The following RIMS2 variants were observed in gnomAD, a reference collection of about 807,000 sequenced individuals.
RIMS2 encodes regulating synaptic membrane exocytosis 2.
In RIMS2, 59 loss-of-function variants were observed where a neutral mutation model predicts 174.4. That is an observed-to-expected ratio of 0.34 (90% confidence interval 0.27 to 0.42). The LOEUF is 0.42. Ranked by LOEUF, RIMS2 falls within the 10% of genes least tolerant of loss-of-function variation. The pLI is 1.00. For synonymous variants in RIMS2, 606 were observed against 572.5 expected (o/e 1.06, Z -0.84); for missense variants, 1,620 against 1,666.3 (o/e 0.97, Z 0.48).
At chr8:103,864,348 C>T (rs2099074686) in intron 3 of RIMS2, among the ~76,000 whole-genome samples, 1 of 152,090 alleles carries the variant, frequency 6.6e-6, no homozygotes, top group Non-Finnish European at 1.5e-5. Flanking sequence ...CTTTTTGCTG[C>T]ATCACAGAGG....
In RIMS2 at chr8:104,163,209, A is replaced by C. The variant is rs80206450; in HGVS notation, c.3335-81707A>C. ...CCTTTGATGCAGCTCTAAGTGGACA[A>C]ATTCTTCTAATATTATTCTAGGATG... On this transcript the variant is annotated intron_variant, in intron 19 of 23. Transcript: ENST00000504942. Among the ~76,000 whole-genome samples, 294 of 152,254 alleles carry C rather than the reference A, an allele frequency of 1.9e-3. 4 individuals carry two copies. Among genetic ancestry groups the C allele is most frequent in the East Asian group, 8.3e-3 (43 of 5,190 alleles).
At chr8:103,876,950 A>C (rs1269019510) in intron 3 of RIMS2, among the ~76,000 whole-genome samples, 2 of 119,630 alleles carry the variant, frequency 1.7e-5, no homozygotes, top group African/African-American at 2.9e-5. Flanking sequence ...TTCTTTATCC[A>C]CTCGTTGATT....
At chr8:103,969,656 T>C (rs1479523425) in intron 15 of RIMS2, among the ~76,000 whole-genome samples, 1 of 152,246 alleles carries the variant, frequency 6.6e-6, no homozygotes, top group African/African-American at 2.4e-5. Flanking sequence ...TTTTAAATTC[T>C]CAGTCTTATA....
chr8:103,747,973 A>T (rs1440362929), intron 2 of RIMS2, among the ~76,000 whole-genome samples: 2 of 152,134 alleles, frequency 1.3e-5, no homozygotes, highest in Non-Finnish European at 2.9e-5. Flanking sequence ...CTTGCCTTAC[A>T]TTTGGAGTAG....
At chr8:104,086,825 C>T (rs1214335095) in intron 19 of RIMS2, among the ~76,000 whole-genome samples, 1 of 152,168 alleles carries the variant, frequency 6.6e-6, no homozygotes, top group South Asian at 2.1e-4. Flanking sequence ...GATCACAGGT[C>T]TTGATACACA....
intron 14 of RIMS2, among the ~76,000 whole-genome samples, chr8:103,951,112 CA>C (rs1439909087): frequency 6.6e-6 from 1 of 152,212 alleles, no homozygotes; most frequent in Non-Finnish European, 1.5e-5. Flanking sequence ...AAACTAAATA[CA>C]AAAATCACAT....
At chr8:103,648,111 C>T (rs1344511111) in intron 1 of RIMS2, among the ~76,000 whole-genome samples, 1 of 151,874 alleles carries the variant, frequency 6.6e-6, no homozygotes, top group Admixed American at 6.6e-5. Context: ...GCTTTGGGTA[C>T]ATTGTCTCTT....
In RIMS2 at chr8:103,909,461, T is replaced by C. The variant is rs16870817; in HGVS notation, c.1625-673T>C. Among the ~76,000 whole-genome samples the C allele has an allele frequency of 9.5e-3, 1,449 of 152,196 alleles. 23 individuals carry two copies. The highest frequency in any genetic ancestry group is 0.034 in the African/African-American group (1,412 of 41,560). Reference sequence around the variant, plus strand: ...TTATAAGAATGTGATTTCTGAAAAATGTGGAAAAATTATTTCAAAATATTA... The same window carrying C: ...TTATAAGAATGTGATTTCTGAAAAACGTGGAAAAATTATTTCAAAATATTA... On this transcript the variant is annotated intron_variant, in intron 4 of 23. Coordinates refer to ENST00000504942, the Ensembl canonical transcript of RIMS2.
At chr8:103,675,559 G>A (rs77363392) in intron 1 of RIMS2, among the ~76,000 whole-genome samples, 159 of 152,152 alleles carry the variant, frequency 1.0e-3, no homozygotes, top group South Asian at 1.5e-3. Context: ...TAAGTTCACC[G>A]TCAAATTAAA....
At chr8:103,617,620 T>A (rs190265297) in intron 1 of RIMS2, among the ~76,000 whole-genome samples, 1 of 152,146 alleles carries the variant, frequency 6.6e-6, no homozygotes, top group African/African-American at 2.4e-5. Context: ...TCTGACGAAG[T>A]CTAATATTCA....
chr8:104,125,183 T>G (rs576265653), intron 19 of RIMS2, among the ~76,000 whole-genome samples: 1 of 152,162 alleles, frequency 6.6e-6, no homozygotes, highest in Non-Finnish European at 1.5e-5. Context: ...TCTCAGTTAT[T>G]GTAGCTGAAT....
chr8:104,249,386 T>C (rs1188949645), intron 21 of RIMS2, 101 bp from the exon 28 acceptor site: 6 of 578,242 alleles, frequency 1.0e-5, no homozygotes, highest in Non-Finnish European at 1.9e-5. Context: ...TAAGAAAATA[T>C]ATGGGAAATG....
chr8:103,534,262 A>G (rs904123858), intron 1 of RIMS2, among the ~76,000 whole-genome samples: 1 of 152,230 alleles, frequency 6.6e-6, no homozygotes, highest in Non-Finnish European at 1.5e-5. Flanking sequence ...TATGCTGTCA[A>G]TAGTTAAGTA....
intron 1 of RIMS2, among the ~76,000 whole-genome samples, chr8:103,690,583 A>C (rs1043855156): frequency 2.6e-5 from 4 of 152,216 alleles, no homozygotes; most frequent in Admixed American, 2.6e-4. Context: ...AAAACTAATA[A>C]AAATACTACA....
intron 1 of RIMS2, among the ~76,000 whole-genome samples, chr8:103,571,845 T>C (rs2092831777): frequency 6.6e-6 from 1 of 152,202 alleles, no homozygotes; most frequent in Non-Finnish European, 1.5e-5. Context: ...AAAATTTTCT[T>C]CTGTCTGTTC....
intron 1 of RIMS2, among the ~76,000 whole-genome samples, chr8:103,640,440 A>G (rs570697767): frequency 6.6e-6 from 1 of 151,896 alleles, no homozygotes; most frequent in Non-Finnish European, 1.5e-5. Context: ...TTCTTTTTCT[A>G]GTTTACTAAG....
At chr8:104,203,215 A>G (rs2099063310) in intron 19 of RIMS2, among the ~76,000 whole-genome samples, 1 of 152,202 alleles carries the variant, frequency 6.6e-6, no homozygotes, top group Non-Finnish European at 1.5e-5. Flanking sequence ...TCAGGAAAAT[A>G]AAATTAATAT....
intron 14 of RIMS2, among the ~76,000 whole-genome samples, chr8:103,957,584 A>G (rs2087860169): frequency 6.6e-6 from 1 of 152,116 alleles, no homozygotes; most frequent in Non-Finnish European, 1.5e-5. Flanking sequence ...AGGGAGGGGA[A>G]CCTCACACAG....
intron 3 of RIMS2, among the ~76,000 whole-genome samples, chr8:103,825,413 A>G (rs1043960056): frequency 2.0e-5 from 3 of 150,626 alleles, no homozygotes; most frequent in African/African-American, 2.4e-5. Flanking sequence ...CTGAGAAGCT[A>G]GGACCACAGG....
Sources: allele counts gnomAD v4.1 joint callset (sites outside exome capture counted in the v4.1 genomes callset), GRCh38; gene constraint gnomAD v4.1.1; transcripts MANE v1.5; gene names NCBI Gene and HGNC (gene_info 2026-07-23, HGNC 2026-07-21).